Variants in TPH2 observed in about 807,000 individuals in gnomAD.
The protein encoded by TPH2 is tryptophan hydroxylase 2, also known as tryptophan 5-hydroxylase 2.
Under a neutral mutation model 59.1 loss-of-function variants are expected in TPH2, and 27 were observed. The ratio of observed to expected loss-of-function variants is 0.46; its 90% confidence interval spans 0.34 to 0.63. The LOEUF (loss-of-function observed/expected upper bound fraction) is 0.63, where lower values mean the gene tolerates loss of function less well. Among genes scored for constraint, TPH2 ranks in the 30% least tolerant of loss-of-function variants. The probability of loss-of-function intolerance (pLI) is 0.01; values close to 1 mark genes in which losing one functional copy is unlikely to be tolerated. For synonymous variants in TPH2, 220 were observed against 210.5 expected (o/e 1.05, Z -0.39); for missense variants, 523 against 588.3 (o/e 0.89, Z 1.15).
chr12:71,996,051 A>G (rs1872685669), intron 8 of TPH2, among the ~76,000 whole-genome samples: 1 of 152,232 alleles, frequency 6.6e-6, no homozygotes. Context: ...GAAATTTGAA[A>G]GCAGCTTAGC....
In TPH2 at chr12:71,985,796, A is replaced by G. The variant is rs115393201; in HGVS notation, c.941+6709A>G. Among the ~76,000 whole-genome samples the G allele has an allele frequency of 7.8e-3, 1,190 of 152,176 alleles. 18 individuals carry two copies. The highest frequency in any genetic ancestry group is 0.027 in the African/African-American group (1,130 of 41,522). On this transcript the variant is annotated intron_variant, in intron 7 of 10. Coordinates refer to ENST00000333850, the MANE Select transcript of TPH2 (RefSeq NM_173353.4). ...ATATAGTTTAGTGCTGTGCTGCCCC[A>G]TCCAGTTCTCGGCCCAACTTCCAGG...
chr12:71,955,480 A>C (rs1325676233), intron 5 of TPH2, among the ~76,000 whole-genome samples: 1 of 152,216 alleles, frequency 6.6e-6, no homozygotes, highest in Non-Finnish European at 1.5e-5. Context: ...TCTGAGAGGC[A>C]GCGTGTGAAG....
intron 7 of TPH2, among the ~76,000 whole-genome samples, chr12:71,983,735 G>A (rs1007328130): frequency 1.3e-5 from 2 of 151,920 alleles, no homozygotes; most frequent in African/African-American, 2.4e-5. Flanking sequence ...CAGGCAGAGA[G>A]AGAAAGAGAG....
chr12:71,947,222 G>C (rs1242515186), intron 4 of TPH2, among the ~76,000 whole-genome samples: 1 of 152,044 alleles, frequency 6.6e-6, no homozygotes, highest in African/African-American at 2.4e-5. Flanking sequence ...CACATGTGGA[G>C]AATTAAAAAA....
intron 8 of TPH2, among the ~76,000 whole-genome samples, chr12:72,018,861 T>A (rs1873333015): frequency 6.6e-6 from 1 of 152,242 alleles, no homozygotes; most frequent in South Asian, 2.1e-4. Context: ...CTTTAAAATG[T>A]GACAGATGTT....
At chr12:72,012,938 G>A (rs546503422) in intron 8 of TPH2, among the ~76,000 whole-genome samples, 1 of 152,178 alleles carries the variant, frequency 6.6e-6, no homozygotes, top group South Asian at 2.1e-4. Flanking sequence ...GAAATGGCCA[G>A]AGTACACTTA....
intron 9 of TPH2, among the ~76,000 whole-genome samples, chr12:72,027,203 A>G (rs114460735): frequency 0.043 from 6,603 of 152,308 alleles, 321 homozygotes; most frequent in African/African-American, 0.12. Context: ...CCCAGGGCAG[A>G]CACTATCATA....
intron 8 of TPH2, among the ~76,000 whole-genome samples, chr12:72,007,467 A>T (rs963629453): frequency 1.2e-4 from 18 of 152,150 alleles, no homozygotes; most frequent in Admixed American, 9.8e-4. Flanking sequence ...GCTCCTCCTT[A>T]TGAGTTCATG....
chr12:71,992,714 T>G (rs1872607886), intron 7 of TPH2, among the ~76,000 whole-genome samples: 1 of 152,234 alleles, frequency 6.6e-6, no homozygotes, highest in African/African-American at 2.4e-5. Context: ...AAAGCTTCTC[T>G]TATTTATATT....
intron 9 of TPH2, among the ~76,000 whole-genome samples, chr12:72,030,943 C>G (rs535918573): frequency 1.3e-5 from 2 of 152,216 alleles, no homozygotes; most frequent in South Asian, 2.1e-4. Flanking sequence ...GATTTAAAAT[C>G]CCATTTCTGT....
chr12:72,018,467 A>G (rs1158313896), intron 8 of TPH2, among the ~76,000 whole-genome samples: 1 of 152,214 alleles, frequency 6.6e-6, no homozygotes, highest in Non-Finnish European at 1.5e-5. Flanking sequence ...ATGGCACACC[A>G]GATTTTTTCA....
intron 5 of TPH2, among the ~76,000 whole-genome samples, chr12:71,959,062 A>AT (rs34121208): frequency 0.2 from 28,847 of 146,530 alleles, 3,364 homozygotes; most frequent in East Asian, 0.34. Flanking sequence ...AGAGAAGGGC[A>AT]TTTTTTTTTT....
At chr12:71,967,484 A>T (rs1048716024) in intron 5 of TPH2, among the ~76,000 whole-genome samples, 2 of 152,250 alleles carry the variant, frequency 1.3e-5, no homozygotes, top group African/African-American at 4.8e-5. Context: ...ATGCTCATAC[A>T]ATCTTAGTTT....
chr12:72,024,491 T>C (rs1467796869), intron 9 of TPH2, among the ~76,000 whole-genome samples: 1 of 152,260 alleles, frequency 6.6e-6, no homozygotes, highest in African/African-American at 2.4e-5. Context: ...TTAATCTTAG[T>C]GCAGTGGGCA....
intron 7 of TPH2, among the ~76,000 whole-genome samples, chr12:71,981,465 A>T (rs1258327080): frequency 1.3e-5 from 2 of 152,134 alleles, no homozygotes; most frequent in African/African-American, 2.4e-5. Context: ...CCAGCTAGGG[A>T]GCTCACATTC....
At chr12:71,939,731 A>C (rs1471322091) in intron 1 of TPH2, among the ~76,000 whole-genome samples, 7 of 152,238 alleles carry the variant, frequency 4.6e-5, no homozygotes, top group Non-Finnish European at 4.4e-5. Flanking sequence ...TTTTATGTTT[A>C]TAATATCTAC....
intron 5 of TPH2, chr12:71,964,496 A>T: frequency 1.0e-6 from 1 of 981,680 alleles, no homozygotes; most frequent in Non-Finnish European, 1.2e-6. Flanking sequence ...TGCAGAATAT[A>T]TATATATATT....
intron 8 of TPH2, among the ~76,000 whole-genome samples, chr12:72,016,951 G>A (rs1230958586): frequency 6.6e-6 from 1 of 152,140 alleles, no homozygotes; most frequent in South Asian, 2.1e-4. Context: ...GGGAGTGAGA[G>A]GAGGGAGGCA....
intron 4 of TPH2, among the ~76,000 whole-genome samples, chr12:71,949,265 T>A (rs546549444): frequency 6.6e-6 from 1 of 152,338 alleles, no homozygotes; most frequent in East Asian, 1.9e-4. Flanking sequence ...AATTTGTGAT[T>A]AAGATCAATT....
Sources: allele counts gnomAD v4.1 joint callset (sites outside exome capture counted in the v4.1 genomes callset), GRCh38; gene constraint gnomAD v4.1.1; transcripts MANE v1.5; gene names NCBI Gene and HGNC (gene_info 2026-07-23, HGNC 2026-07-21).